The following CLYBL variants were observed in gnomAD, a reference collection of about 807,000 sequenced individuals.
The protein encoded by CLYBL is citramalyl-CoA lyase.
A neutral mutation model predicts 38.9 loss-of-function variants in CLYBL; 31 were observed. The ratio of observed to expected loss-of-function variants is 0.80; its 90% CI spans 0.60 to 1.08. The LOEUF is 1.08. Among genes scored for constraint, CLYBL ranks in the 50% least tolerant of loss-of-function variants. The probability of loss-of-function intolerance (pLI) is 0.00; values close to 1 mark genes in which losing one functional copy is unlikely to be tolerated. For missense variants in CLYBL, 434 were observed against 411.6 expected, an observed-to-expected ratio of 1.05 and a Z score of -0.47; for synonymous variants, 171 against 158.6, an observed-to-expected ratio of 1.08 and a Z score of -0.59.
At chr13:99,712,730 CTTTTGA>C (rs2048254721) in intron 1 of CLYBL, among the ~76,000 whole-genome samples, 1 of 152,132 alleles carries the variant, frequency 6.6e-6, no homozygotes, top group Non-Finnish European at 1.5e-5. Flanking sequence ...ACCCTTACTA[CTTTTGA>C]TTTTGTTTTT....
intron 2 of CLYBL, among the ~76,000 whole-genome samples, chr13:99,833,301 A>C (rs536649544): frequency 1.3e-5 from 2 of 151,722 alleles, no homozygotes; most frequent in Non-Finnish European, 2.9e-5. Flanking sequence ...TCAGCCTTCC[A>C]AAGTGCTGGG....
intron 7 of CLYBL, among the ~76,000 whole-genome samples, chr13:99,880,179 T>A (rs1356054530): frequency 6.6e-6 from 1 of 151,352 alleles, no homozygotes; most frequent in Non-Finnish European, 1.5e-5. Flanking sequence ...GCGATTCTCA[T>A]GCTTCAGCCT....
chr13:99,752,701 G>A (rs1481143553), intron 1 of CLYBL, among the ~76,000 whole-genome samples: 1 of 151,870 alleles, frequency 6.6e-6, no homozygotes, highest in Admixed American at 6.6e-5. Flanking sequence ...TTCCTTCACC[G>A]GCTCCCACCT....
intron 7 of CLYBL, among the ~76,000 whole-genome samples, chr13:99,887,756 A>G (rs1183983480): frequency 6.6e-6 from 1 of 152,156 alleles, no homozygotes; most frequent in Non-Finnish European, 1.5e-5. Context: ...CAAGGATTCT[A>G]CTTTTGGGAT....
At chr13:99,889,435 G>A (rs1003971018) in intron 7 of CLYBL, among the ~76,000 whole-genome samples, 5 of 152,102 alleles carry the variant, frequency 3.3e-5, no homozygotes, top group African/African-American at 1.2e-4. Context: ...GGACCACCTC[G>A]GAACTTCCAA....
chr13:99,719,529 G>A (rs994139254), intron 1 of CLYBL, among the ~76,000 whole-genome samples: 5 of 150,874 alleles, frequency 3.3e-5, no homozygotes, highest in African/African-American at 9.8e-5. Context: ...TTTTGGAGAC[G>A]GAGTTTTGCT....
At chr13:99,744,851 C>A (rs978262309) in intron 1 of CLYBL, among the ~76,000 whole-genome samples, 7 of 152,184 alleles carry the variant, frequency 4.6e-5, no homozygotes, top group Non-Finnish European at 1.0e-4. Context: ...CTACTGGGTG[C>A]TTCAGGGCTC....
At chr13:99,801,804 G>A (rs2050141603) in intron 2 of CLYBL, among the ~76,000 whole-genome samples, 1 of 152,084 alleles carries the variant, frequency 6.6e-6, no homozygotes, top group Non-Finnish European at 1.5e-5. Context: ...ATCACCTGAG[G>A]TCAGGAGTTC....
At chr13:99,835,228 C>T (rs960971602) in intron 2 of CLYBL, among the ~76,000 whole-genome samples, 127 of 152,346 alleles carry the variant, frequency 8.3e-4, no homozygotes, top group African/African-American at 2.7e-3. Context: ...AGAAAAGACA[C>T]AAAGCAACAG....
At chr13:99,875,293 C>T (rs1430451337) in intron 7 of CLYBL, among the ~76,000 whole-genome samples, 1 of 152,154 alleles carries the variant, frequency 6.6e-6, no homozygotes, top group Non-Finnish European at 1.5e-5. Flanking sequence ...TTAGTAAGCA[C>T]ATCTTCTGCT....
chr13:99,607,172 A>AC (rs774056807), intron 1 of CLYBL, among the ~76,000 whole-genome samples: 22 of 149,894 alleles, frequency 1.5e-4, no homozygotes, highest in Non-Finnish European at 1.0e-4. Context: ...TAATTTGAGG[A>AC]CCCCCCAAAG....
intron 2 of CLYBL, among the ~76,000 whole-genome samples, chr13:99,794,218 C>T (rs1024633375): frequency 3.9e-5 from 6 of 152,096 alleles, no homozygotes; most frequent in African/African-American, 1.2e-4. Flanking sequence ...GTCAGGAGTT[C>T]GAGATCAGCC....
intron 1 of CLYBL, among the ~76,000 whole-genome samples, chr13:99,617,786 C>T (rs12429794): frequency 0.31 from 46,827 of 152,094 alleles, 8,588 homozygotes; most frequent in Non-Finnish European, 0.41. Context: ...TCCAGCCCTC[C>T]TTATGACCTC....
At chr13:99,745,633 C>T (rs2048835023) in intron 1 of CLYBL, among the ~76,000 whole-genome samples, 4 of 152,164 alleles carry the variant, frequency 2.6e-5, no homozygotes, top group Admixed American at 2.6e-4. Flanking sequence ...TTTTAATTTG[C>T]ATCACACTTA....
chr13:99,740,980 G>A (rs948418657), intron 1 of CLYBL, among the ~76,000 whole-genome samples: 1 of 152,188 alleles, frequency 6.6e-6, no homozygotes, highest in Admixed American at 6.5e-5. Context: ...TAAAGCACCT[G>A]TCGATGGGAA....
chr13:99,843,236 A>G lies in CLYBL; in HGVS notation c.250-15625A>G, dbSNP rs543633451. Among the ~76,000 whole-genome samples, 17 of 152,340 alleles carry G rather than the reference A, an allele frequency of 1.1e-4. No individual in the cohort carries two copies. The South Asian group carries it at 3.5e-3, about 32-fold the overall frequency. ...CTTCCAGGATTTGTCCTAAGGGATC[A>G]GTCAGACAAAAGGACTCTAAGATGA... On this transcript the variant is annotated intron_variant, in intron 2 of 8. Coordinates refer to ENST00000339105, the MANE Select transcript of CLYBL (RefSeq NM_206808.5).
chr13:99,734,500 G>A (rs1211416383), intron 1 of CLYBL, among the ~76,000 whole-genome samples: 5 of 151,958 alleles, frequency 3.3e-5, no homozygotes, highest in Admixed American at 2.6e-4. Flanking sequence ...GCGTGGCAAT[G>A]ACTTCAAACC....
At chr13:99,658,148 G>T (rs1221221433) in intron 1 of CLYBL, among the ~76,000 whole-genome samples, 1 of 152,242 alleles carries the variant, frequency 6.6e-6, no homozygotes, top group Non-Finnish European at 1.5e-5. Flanking sequence ...GGCCGCCTGC[G>T]TGCGCTCTGC....
At chr13:99,704,626 A>G (rs1182301247) in intron 1 of CLYBL, among the ~76,000 whole-genome samples, 1 of 152,236 alleles carries the variant, frequency 6.6e-6, no homozygotes, top group Non-Finnish European at 1.5e-5. Flanking sequence ...TCTATGAGCC[A>G]GGTGCTCGAC....
Sources: gnomAD v4.1 joint callset for allele counts (sites outside exome capture counted in the v4.1 genomes callset) on GRCh38, gnomAD v4.1.1 for gene constraint, MANE v1.5 for transcripts, NCBI Gene and HGNC (gene_info 2026-07-23, HGNC 2026-07-21) for gene names.